Variants in HMGN5 observed in about 807,000 individuals in gnomAD.
HMGN5 encodes the protein high mobility group nucleosome binding domain 5.
A neutral mutation model predicts 9.5 loss-of-function variants in HMGN5; 4 were observed. The ratio of observed to expected loss-of-function variants is 0.42; its 90% confidence interval spans 0.21 to 0.96. HMGN5 has a LOEUF of 0.96. HMGN5 is among the 40% of genes least tolerant of loss of function. The pLI is 0.30. For missense variants in HMGN5, 192 were observed against 187.5 expected, an observed-to-expected ratio of 1.02 and a Z score of -0.14; for synonymous variants, 55 against 57.1, an observed-to-expected ratio of 0.96 and a Z score of 0.16.
intron 1 of HMGN5, among the ~76,000 whole-genome samples, chrX:81,170,053 CA>C (rs397896203): frequency 0.14 from 5,020 of 34,717 alleles, 166 homozygotes; most frequent in African/African-American, 0.28. Flanking sequence ...GACCCCGTCT[CA>C]AAAAAAAAAA....
chrX:81,126,097 G>A (rs749153490), intron 1 of HMGN5, among the ~76,000 whole-genome samples: 142 of 95,903 alleles, frequency 1.5e-3, no homozygotes, highest in African/African-American at 5.4e-3. Flanking sequence ...GCAATGAGCC[G>A]AGATCATGCC....
chrX:81,139,550 C>T (rs1435690222), intron 1 of HMGN5, among the ~76,000 whole-genome samples: 2 of 111,200 alleles, frequency 1.8e-5, no homozygotes, highest in Admixed American at 1.9e-4. Flanking sequence ...TGAGCTGTCA[C>T]AGTACCTGGT....
chrX:81,135,812 GA>G (rs1326437858), intron 1 of HMGN5, among the ~76,000 whole-genome samples: 1 of 111,067 alleles, frequency 9.0e-6, no homozygotes, highest in African/African-American at 3.3e-5. Flanking sequence ...AACTCATGTT[GA>G]AATTTAATGC....
At chrX:81,118,557 A>C in intron 4 of HMGN5, 72 bp from the exon 5 acceptor site, 2 of 899,525 alleles carry the variant, frequency 2.2e-6, no homozygotes, top group Middle Eastern at 2.7e-4. Flanking sequence ...TAAAAATGAA[A>C]TCCAACCTCT....
At chrX:81,116,782 G>T (rs759917078) in intron 5 of HMGN5, among the ~76,000 whole-genome samples, 5 of 111,805 alleles carry the variant, frequency 4.5e-5, no homozygotes, top group Non-Finnish European at 9.4e-5. Flanking sequence ...TAAGAGAAAT[G>T]CTGTTAGTGA....
At chrX:81,162,812 C>T (rs1365799812) in intron 1 of HMGN5, among the ~76,000 whole-genome samples, 1 of 111,119 alleles carries the variant, frequency 9.0e-6, no homozygotes, top group Non-Finnish European at 1.9e-5. Flanking sequence ...ACTTAGAGGT[C>T]TTGGAGGAGG....
chrX:81,128,059 T>G (rs1329413636), intron 1 of HMGN5, among the ~76,000 whole-genome samples: 1 of 111,282 alleles, frequency 9.0e-6, no homozygotes, highest in Non-Finnish European at 1.9e-5. Context: ...TGTGTGTGTG[T>G]CTGTCTGTGT....
intron 1 of HMGN5, among the ~76,000 whole-genome samples, chrX:81,166,328 G>A (rs896335764): frequency 9.0e-6 from 1 of 111,152 alleles, no homozygotes; most frequent in East Asian, 2.8e-4. Context: ...TAAGAAACTG[G>A]AAATTTTTCA....
At chrX:81,187,663 T>C (rs2075481363) in intron 1 of HMGN5, among the ~76,000 whole-genome samples, 1 of 112,162 alleles carries the variant, frequency 8.9e-6, no homozygotes, top group African/African-American at 3.2e-5. Context: ...AGCCAGTCTA[T>C]GTGTTTTCAC....
chrX:81,114,806 T>C lies in HMGN5; in HGVS notation c.692A>G (p.Asp231Gly). ...TTTTCCATCTTCTCTCTCTTTTTCA[T>C]CTTCTTTGACTTTTACATCTTTCCC... is the stretch of plus-strand genomic sequence containing the variant. ...KEGKDVKVKE[D>G]EKEREDGKED... is the part of the protein sequence containing the mutation. Residue 231 changes from aspartate (D) to glycine (G), a missense_variant, in exon 7 of 7, where the codon GAT (aspartate) becomes GGT (glycine). Coordinates refer to ENST00000358130, the MANE Select transcript of HMGN5 (RefSeq NM_030763.3). 1.7e-6 allele frequency: 2 copies of C among 1,163,180 alleles called. No individual in the cohort carries two copies. Among genetic ancestry groups the C allele is most frequent in the Non-Finnish European group, 2.3e-6 (2 of 871,580 alleles).
chrX:81,117,376 T>A (rs1271649783), intron 5 of HMGN5, among the ~76,000 whole-genome samples: 3 of 99,676 alleles, frequency 3.0e-5, no homozygotes, highest in African/African-American at 1.1e-4. Flanking sequence ...CACAACAGCC[T>A]CCCAAGCAGC....
At chrX:81,138,256 G>A (rs1451727736) in intron 1 of HMGN5, among the ~76,000 whole-genome samples, 1 of 111,862 alleles carries the variant, frequency 8.9e-6, no homozygotes, top group Non-Finnish European at 1.9e-5. Context: ...CAATGACAAA[G>A]TGTGATTTAT....
chrX:81,153,316 GCT>G (rs2075370315), intron 1 of HMGN5, among the ~76,000 whole-genome samples: 1 of 106,164 alleles, frequency 9.4e-6, no homozygotes, highest in South Asian at 4.3e-4. Context: ...ACTTTGGAAG[GCT>G]GAGGTGGGTA....
chrX:81,150,878 G>A (rs557454717), intron 1 of HMGN5, among the ~76,000 whole-genome samples: 1 of 111,575 alleles, frequency 9.0e-6, no homozygotes, highest in Admixed American at 9.5e-5. Flanking sequence ...TAGAAGAAAT[G>A]AACAAATTCC....
At chrX:81,154,302 A>G (rs1229658143) in intron 1 of HMGN5, among the ~76,000 whole-genome samples, 1 of 111,684 alleles carries the variant, frequency 9.0e-6, no homozygotes, top group Non-Finnish European at 1.9e-5. Context: ...GGAAATCTGG[A>G]TATCAGCATG....
chrX:81,200,711 G>T (rs754881008), intron 1 of HMGN5, among the ~76,000 whole-genome samples: 1 of 111,377 alleles, frequency 9.0e-6, no homozygotes, highest in Non-Finnish European at 1.9e-5. Context: ...CAGTCGGGGG[G>T]TGGGGGGCTG....
chrX:81,193,235 C>A (rs2075498923), intron 1 of HMGN5, among the ~76,000 whole-genome samples: 1 of 111,539 alleles, frequency 9.0e-6, no homozygotes, highest in South Asian at 3.7e-4. Context: ...GGGCTGTAAG[C>A]TGCAGTATGA....
chrX:81,127,703 C>A (rs964149798), intron 1 of HMGN5, among the ~76,000 whole-genome samples: 6 of 111,233 alleles, frequency 5.4e-5, no homozygotes, highest in African/African-American at 2.0e-4. Flanking sequence ...TCAACTGGAG[C>A]TTGCTTTAAC....
chrX:81,177,851 C>A (rs1471115271), intron 1 of HMGN5, among the ~76,000 whole-genome samples: 2 of 111,638 alleles, frequency 1.8e-5, no homozygotes, highest in African/African-American at 6.5e-5. Context: ...GAACAGAAAT[C>A]ACAACAAACT....
Sources: gnomAD v4.1 joint callset for allele counts (sites outside exome capture counted in the v4.1 genomes callset) on GRCh38, gnomAD v4.1.1 for gene constraint, MANE v1.5 for transcripts, NCBI Gene and HGNC (gene_info 2026-07-23, HGNC 2026-07-21) for gene names.